ZFP28: variants seen among roughly 807,000 people sequenced by gnomAD.
ZFP28 encodes zinc finger protein 28 homolog.
ZFP28 carries 31 observed loss-of-function variants against 39.5 expected under a neutral mutation model. That is an observed-to-expected ratio of 0.79 (90% confidence interval 0.59 to 1.06). The LOEUF (loss-of-function observed/expected upper bound fraction) is 1.06, where lower values mean the gene tolerates loss of function less well. Ranked by LOEUF, ZFP28 falls within the 50% of genes least tolerant of loss-of-function variation. The pLI is 0.00. For missense variants in ZFP28, 925 were observed against 1,048.4 expected, an observed-to-expected ratio of 0.88 and a Z score of 1.63; for synonymous variants, 400 against 378.6, an observed-to-expected ratio of 1.06 and a Z score of -0.66.
At chr19:56,551,568 T>C (rs769818783) in intron 7 of ZFP28, 71 of 985,146 alleles carry the variant, frequency 7.2e-5, no homozygotes, top group Non-Finnish European at 7.5e-5. Flanking sequence ...ATTTTGGGGA[T>C]TGCTGTATTC....
intron 4 of ZFP28, 95 bp from the exon 5 acceptor site, chr19:56,548,863 T>C: frequency 1.5e-6 from 2 of 1,299,040 alleles, no homozygotes; most frequent in Non-Finnish European, 2.1e-6. Flanking sequence ...GACTATATGC[T>C]TTTTTGTGGC....
rs560074985 is a variant in ZFP28 at position 56,539,015 on chromosome 19, T to C, written c.-4T>C. On this transcript the variant is annotated 5_prime_UTR_variant, in exon 1 of 8. Transcript: ENST00000301318. ...CGGAAGGGCGTCGCGCGGCCTCGGG[T>C]GACATGCGGGGGGCGGCGAGCGCGA... 1,116 of 1,403,792 alleles carry C rather than the reference T, an allele frequency of 7.9e-4. 7 individuals are homozygous for C. The highest frequency in any genetic ancestry group is 1.5e-3 in the South Asian group (96 of 64,916). 87.0% of individuals were successfully genotyped at this position (1,403,792 alleles called of 1,614,324 possible).
At chr19:56,548,825 C>G in intron 4 of ZFP28, 133 bp from the exon 5 acceptor site, 1 of 973,544 alleles carries the variant, frequency 1.0e-6, no homozygotes, top group Non-Finnish European at 1.5e-6. Context: ...AAATGATATG[C>G]TTTTCATTTT....
intron 2 of ZFP28, chr19:56,544,847 G>A (rs1241601616): frequency 6.6e-6 from 1 of 152,208 alleles, no homozygotes; most frequent in Non-Finnish European, 1.5e-5. Flanking sequence ...TACATAAAGA[G>A]CTGTCCGAAT....
At chr19:56,541,465 C>T (rs771410235) in intron 2 of ZFP28, among the ~76,000 whole-genome samples, 2 of 152,156 alleles carry the variant, frequency 1.3e-5, no homozygotes, top group East Asian at 1.9e-4. Flanking sequence ...AGCCCCTTCC[C>T]GATGAGCAGC....
chr19:56,550,025 C>G, intron 5 of ZFP28, 42 bp from the exon 6 acceptor site: 2 of 1,537,266 alleles, frequency 1.3e-6, no homozygotes, highest in Non-Finnish European at 1.8e-6. Flanking sequence ...GGTGAGTTCA[C>G]GAACATGGTT....
chr19:56,547,694 C>G lies in ZFP28; in HGVS notation c.427+60C>G. 6.3e-7 allele frequency: 1 copy of G among 1,583,636 alleles called. No individual in the cohort carries two copies. ...CTACCCACGTCCTGGACTAAGAAGC[C>G]TTTCATGCCTTTATCACCCAGACCT... On this transcript the variant is annotated intron_variant, in intron 3 of 7. Coordinates refer to ENST00000301318, the MANE Select transcript of ZFP28 (RefSeq NM_020828.2). This position sits in a 1 kb window ranked among gnomAD's most constrained non-coding sequence, Gnocchi z 4.6.
chr19:56,554,843 A>G lies in ZFP28; in HGVS notation c.2058A>G (p.Thr686=). ...GCGGTAAAGCCTTCAGCCAGACCAC[A>G]CACCTCATTCAACATCAGAGAGTTC... The part of the protein sequence containing the change: ...KECGKAFSQT[T]HLIQHQRVHT... Residue 686 remains threonine (T), a synonymous_variant, in exon 8 of 8, where the codon ACA becomes ACG. Coordinates refer to ENST00000301318, the MANE Select transcript of ZFP28 (RefSeq NM_020828.2). This position sits in a 1 kb window ranked among gnomAD's most constrained non-coding sequence, Gnocchi z 6.7. 6.2e-7 allele frequency: 1 copy of G among 1,614,160 alleles called. No individual in the cohort carries two copies. The highest frequency in any genetic ancestry group is 8.5e-7 in the Non-Finnish European group (1 of 1,180,024).
At position 56,553,991 on chromosome 19, in the gene ZFP28, A is replaced by G. The variant is rs1439231433; in HGVS notation, c.1206A>G (p.Gln402=). ...ATCGTGATTCAATTAAAAATTTTCAAAAAAGTTCAGTGGTAATAAAACAAA... is the reference window on the plus strand; with the variant it reads ...ATCGTGATTCAATTAAAAATTTTCAGAAAAGTTCAGTGGTAATAAAACAAA... The part of the protein sequence containing the change: ...VHNRDSIKNF[Q]KSSVVIKQTG... The change falls in exon 8 of 8, where the codon CAA becomes CAG. Residue 402 remains glutamine (Q), a synonymous_variant. Coordinates refer to ENST00000301318, the MANE Select transcript of ZFP28 (RefSeq NM_020828.2). The G allele has an allele frequency of 6.2e-7, 1 of 1,611,186 alleles. No individual in the cohort carries two copies. The highest frequency in any genetic ancestry group is 1.7e-5 in the Admixed American group (1 of 59,286).
chr19:56,539,526 G>T (rs1383478150), intron 1 of ZFP28, 99 bp from the exon 2 acceptor site: 8 of 1,059,990 alleles, frequency 7.5e-6, no homozygotes, highest in Non-Finnish European at 1.1e-5. Flanking sequence ...GCAGGGTAAT[G>T]ATCTGATCCC....
At chr19:56,544,128 G>A (rs1270514370) in intron 2 of ZFP28, among the ~76,000 whole-genome samples, 6 of 152,232 alleles carry the variant, frequency 3.9e-5, no homozygotes, top group Non-Finnish European at 8.8e-5. Context: ...ACTTACTAGT[G>A]TTAGCTGGCA....
At chr19:56,551,759 T>C (rs1451213037) in intron 7 of ZFP28, 1 of 984,478 alleles carries the variant, frequency 1.0e-6, no homozygotes, top group East Asian at 1.1e-4. Flanking sequence ...AAGTTGAACA[T>C]TTTTTCGTAA....
intron 2 of ZFP28, among the ~76,000 whole-genome samples, chr19:56,540,336 G>A (rs1239089736): frequency 6.6e-6 from 1 of 152,198 alleles, no homozygotes; most frequent in African/African-American, 2.4e-5. Flanking sequence ...TTAGGGAGAG[G>A]AGGCGCAATA....
In ZFP28 at chr19:56,547,514, G is replaced by C. The variant is rs754481704; in HGVS notation, c.307G>C (p.Val103Leu). The change falls in exon 3 of 8, where the codon GTG becomes CTG. Residue 103 changes from valine (V) to leucine (L), a missense_variant. Val to Leu is a conservative substitution (Grantham distance 32, BLOSUM62 1). Around this residue, in one of 2 missense-constraint regions of ZFP28, gnomAD observed 556 missense variants for 542.9 expected, o/e 1.02. Coordinates refer to ENST00000301318, the MANE Select transcript of ZFP28 (RefSeq NM_020828.2). The surrounding 1 kb of genome is among the most constrained non-coding windows in gnomAD (Gnocchi z 4.6). ...CATGGTTATATCATTTCAGGGCTTG[G>C]TGACATTTGGGGATGTGGCTGTAGA... ...IEPKAMSQGLVTFGDVAVDFS... is the reference protein window; with the variant it reads ...IEPKAMSQGLLTFGDVAVDFS... The C allele has an allele frequency of 1.2e-6, 2 of 1,614,184 alleles. No homozygotes were observed. Among genetic ancestry groups the C allele is most frequent in the South Asian group, 2.2e-5 (2 of 91,078 alleles).
At chr19:56,541,280 C>T (rs1419059435) in intron 2 of ZFP28, among the ~76,000 whole-genome samples, 4 of 152,116 alleles carry the variant, frequency 2.6e-5, no homozygotes, top group Non-Finnish European at 5.9e-5. Context: ...CATTTCTTGC[C>T]TTTTCCTTCC....
intron 4 of ZFP28, 150 bp from the exon 5 acceptor site, chr19:56,548,808 G>C: frequency 1.1e-6 from 1 of 877,968 alleles, no homozygotes; most frequent in East Asian, 2.8e-5. Context: ...ATATAAGAAA[G>C]CTTTCAAAAT....
chr19:56,549,237 G>A (rs2074942), intron 5 of ZFP28, 116 bp downstream of exon 5: 555,462 of 1,179,730 alleles, frequency 0.47, 135,543 homozygotes, highest in African/African-American at 0.72. Context: ...TGAATACAAT[G>A]CTTCTTATAG....
intron 2 of ZFP28, 152 bp downstream of exon 2, chr19:56,539,868 G>T: frequency 1.5e-6 from 1 of 665,244 alleles, no homozygotes; most frequent in Non-Finnish European, 2.5e-6. Context: ...GGGCTACGGG[G>T]AAAAGTTTAA....
rs766869809 is a variant in ZFP28, at chr19:56,553,803, G to A, written c.1018G>A (p.Asp340Asn). 16 of 1,613,952 alleles carry A rather than the reference G, an allele frequency of 9.9e-6. No homozygotes were observed. Among genetic ancestry groups the A allele is most frequent in the East Asian group, 2.2e-5 (1 of 44,872 alleles). The change falls in exon 8 of 8, where the codon GAT becomes AAT. Residue 340 changes from aspartate to asparagine, a missense_variant. Asp to Asn is a conservative substitution (Grantham distance 23). This residue lies in a region of ZFP28 where 556 missense variants were observed against 542.9 expected (regional missense o/e 1.02). Transcript: ENST00000301318. ...LDCSSFRENW[D>N]SDYVFGRKLA... The stretch of plus-strand genomic sequence containing the variant: ...TTGTTCCAGTTTCAGAGAAAATTGG[G>A]ATTCTGACTATGTGTTTGGAAGGAA...
Sources: allele counts gnomAD v4.1 joint callset (sites outside exome capture counted in the v4.1 genomes callset), GRCh38; gene constraint gnomAD v4.1.1; regional missense constraint gnomAD v4.1.1; non-coding constraint Gnocchi (gnomAD v3.1); transcripts MANE v1.5; gene names NCBI Gene and HGNC (gene_info 2026-07-23, HGNC 2026-07-21).